LRP12: variants seen among roughly 807,000 people sequenced by gnomAD.
LRP12 encodes LDL receptor related protein 12.
Under a neutral mutation model 66.0 loss-of-function variants are expected in LRP12, and 14 were observed. That is an observed-to-expected ratio of 0.21 (90% confidence interval 0.14 to 0.33). The LOEUF (loss-of-function observed/expected upper bound fraction) is 0.33. Among genes scored for constraint, LRP12 ranks in the 10% least tolerant of loss-of-function variants. The pLI, the probability that LRP12 is intolerant of heterozygous loss-of-function variation, is 1.00. For synonymous variants in LRP12, 357 were observed against 359.1 expected (o/e 0.99, Z 0.07); for missense variants, 889 against 1,053.4 (o/e 0.84, Z 2.16).
chr8:104,563,623 G>C (rs1378939749), intron 1 of LRP12, among the ~76,000 whole-genome samples: 2 of 152,026 alleles, frequency 1.3e-5, no homozygotes, highest in African/African-American at 4.8e-5. Context: ...TGGAGTCTTT[G>C]TACCTCATGA....
chr8:104,542,071 C>T (rs1189084895), intron 1 of LRP12, among the ~76,000 whole-genome samples: 1 of 152,118 alleles, frequency 6.6e-6, no homozygotes, highest in Non-Finnish European at 1.5e-5. Flanking sequence ...TGAGGAACTG[C>T]CAAGCTGTAT....
At chr8:104,552,457 G>C (rs2140881495) in intron 1 of LRP12, among the ~76,000 whole-genome samples, 1 of 151,650 alleles carries the variant, frequency 6.6e-6, no homozygotes, top group East Asian at 1.9e-4. Context: ...ATCATCTGAG[G>C]TTGGGAGTTC....
chr8:104,509,339 C>G (rs779883162), intron 2 of LRP12, among the ~76,000 whole-genome samples: 5 of 152,152 alleles, frequency 3.3e-5, no homozygotes, highest in Admixed American at 1.3e-4. Flanking sequence ...TTGGAGCCAA[C>G]AGTGGTCTGA....
At chr8:104,588,377 G>A (rs1267409721) in intron 1 of LRP12, among the ~76,000 whole-genome samples, 4 of 152,118 alleles carry the variant, frequency 2.6e-5, no homozygotes, top group South Asian at 2.1e-4. Context: ...TCGCCGGTGA[G>A]AGAACTTCCT....
intron 1 of LRP12, among the ~76,000 whole-genome samples, chr8:104,570,552 G>A (rs1346440259): frequency 4.6e-5 from 7 of 152,084 alleles, no homozygotes; most frequent in African/African-American, 1.7e-4. Context: ...AAGTAGTGTT[G>A]GAACAATTGG....
intron 1 of LRP12, 26 bp from the exon 2 acceptor site, chr8:104,531,989 T>A: frequency 2.7e-6 from 4 of 1,491,820 alleles, no homozygotes; most frequent in Non-Finnish European, 9.1e-7. Flanking sequence ...ATGAATAAAC[T>A]AATATCCAAG....
intron 4 of LRP12, among the ~76,000 whole-genome samples, chr8:104,498,653 C>T (rs747632666): frequency 2.6e-5 from 4 of 152,132 alleles, no homozygotes; most frequent in Non-Finnish European, 5.9e-5. Flanking sequence ...GGTTTGATTC[C>T]ATCTCTTTGC....
intron 1 of LRP12, among the ~76,000 whole-genome samples, chr8:104,548,494 A>C (rs1371391040): frequency 7.8e-6 from 1 of 128,182 alleles, no homozygotes; most frequent in Non-Finnish European, 1.6e-5. Context: ...TTTTGTATCT[A>C]ATATATAATT....
chr8:104,515,904 A>C (rs1340387521), intron 2 of LRP12, among the ~76,000 whole-genome samples: 1 of 152,092 alleles, frequency 6.6e-6, no homozygotes, highest in Admixed American at 6.6e-5. Context: ...TACTTGCATC[A>C]ATGTTTTAAA....
chr8:104,494,744 A>G (rs957225644), intron 6 of LRP12, among the ~76,000 whole-genome samples: 2 of 152,192 alleles, frequency 1.3e-5, no homozygotes, highest in Non-Finnish European at 1.5e-5. Flanking sequence ...TATTGCTAGC[A>G]TATTAATTTT....
intron 2 of LRP12, among the ~76,000 whole-genome samples, chr8:104,524,577 A>G (rs1391353680): frequency 6.6e-6 from 1 of 152,198 alleles, no homozygotes; most frequent in Non-Finnish European, 1.5e-5. Context: ...AGGCTAAGGG[A>G]AAAATGTACA....
In LRP12 at chr8:104,497,473, T is replaced by C. The variant is rs1453757678; in HGVS notation, c.1079A>G (p.Asn360Ser). ...AGTAGCATTAAATCCCCTTGCAGCATTCACTTTATCAGCACAAAAATGTAC... is the reference window on the plus strand; with the variant it reads ...AGTAGCATTAAATCCCCTTGCAGCACTCACTTTATCAGCACAAAAATGTAC... ...IRVHFCADKVNAARGFNATYQ... is the reference protein window; with the variant it reads ...IRVHFCADKVSAARGFNATYQ... The change falls in exon 5 of 7, where the codon AAT becomes AGT. Residue 360 changes from asparagine (N) to serine (S), a missense_variant. Asn to Ser is a conservative substitution (Grantham distance 46). This residue lies in a region of LRP12 where 800 missense variants were observed against 964.5 expected (regional missense o/e 0.83). Transcript: ENST00000276654. The surrounding 1 kb of genome is among the most constrained non-coding windows in gnomAD (Gnocchi z 4.3). The C allele has an allele frequency of 6.2e-7, 1 of 1,614,166 alleles. No homozygotes were observed. Among genetic ancestry groups the C allele is most frequent in the Non-Finnish European group, 8.5e-7 (1 of 1,180,024 alleles).
At chr8:104,542,757 T>C (rs1181106669) in intron 1 of LRP12, among the ~76,000 whole-genome samples, 4 of 152,134 alleles carry the variant, frequency 2.6e-5, no homozygotes, top group Non-Finnish European at 2.9e-5. Context: ...ACTGTATTCT[T>C]ACAATAAAGT....
intron 2 of LRP12, among the ~76,000 whole-genome samples, chr8:104,526,191 C>G (rs969973899): frequency 4.5e-4 from 69 of 151,710 alleles, no homozygotes; most frequent in African/African-American, 1.3e-3. Flanking sequence ...AGGATACAAA[C>G]AAATGGAAGA....
chr8:104,584,542 T>C (rs543113008), intron 1 of LRP12, among the ~76,000 whole-genome samples: 1 of 152,296 alleles, frequency 6.6e-6, no homozygotes, highest in East Asian at 1.9e-4. Flanking sequence ...CCTTTTATGT[T>C]CTTCAAAAGA....
At chr8:104,546,850 TTCATTCTTA>T (rs1811566038) in intron 1 of LRP12, among the ~76,000 whole-genome samples, 1 of 147,764 alleles carries the variant, frequency 6.8e-6, no homozygotes, top group Non-Finnish European at 1.5e-5. Flanking sequence ...CCAGGCCCTC[TTCATTCTTA>T]TAATTATTCT....
Position 104,581,931 on chromosome 8 carries a change from A to G in LRP12, c.79+6888T>C, listed in dbSNP as rs552792483. On this transcript the variant is annotated intron_variant, in intron 1 of 6. Coordinates refer to ENST00000276654, the MANE Select transcript of LRP12 (RefSeq NM_013437.5). ...TTCTCTTAGCAAAACTTTCACAAGCAATAATAATTTCACGAAACAATTCTA... is the reference window on the plus strand; with the variant it reads ...TTCTCTTAGCAAAACTTTCACAAGCGATAATAATTTCACGAAACAATTCTA... Among the ~76,000 whole-genome samples, 15 of 152,342 alleles carry G rather than the reference A, an allele frequency of 9.8e-5. No individual in the cohort carries two copies. In the South Asian group the frequency reaches 3.1e-3, roughly 32 times the overall value.
In LRP12 at chr8:104,588,964, ACGCCGACGCCGC is replaced by A. The variant is rs1554712969; in HGVS notation, c.-79_-68del. On this transcript the variant is annotated 5_prime_UTR_variant, in exon 1 of 7. Transcript: ENST00000276654. ...AGGGAGGAGAAGCTGGAGGTAGACG[ACGCCGACGCCGC>A]CGCCGCCGCCGCCGCCGCCGCCGAG... 2.7e-3 allele frequency: 2,415 copies of A among 905,834 alleles called. 58 individuals carry two copies. The African/African-American group carries it at 0.047, about 18-fold the overall frequency. The allele number at this position is 905,834 out of a possible 1,614,324, so 56.1% of individuals were successfully genotyped here.
intron 1 of LRP12, among the ~76,000 whole-genome samples, chr8:104,553,976 G>T (rs990886982): frequency 6.6e-6 from 1 of 152,142 alleles, no homozygotes; most frequent in African/African-American, 2.4e-5. Context: ...ACACTCCCCA[G>T]TACCAGGCCA....
Sources: allele counts gnomAD v4.1 joint callset (sites outside exome capture counted in the v4.1 genomes callset), GRCh38; gene constraint gnomAD v4.1.1; regional missense constraint gnomAD v4.1.1; non-coding constraint Gnocchi (gnomAD v3.1); transcripts MANE v1.5; gene names NCBI Gene and HGNC (gene_info 2026-07-23, HGNC 2026-07-21).